BMAL2: variants seen among roughly 807,000 people sequenced by gnomAD.
BMAL2 encodes the protein basic helix-loop-helix ARNT-like protein 2.
the BMAL2 span, chr12:27,333,027 A>G: frequency 1.7e-6 from 2 of 1,186,610 alleles, no homozygotes; most frequent in Non-Finnish European, 2.1e-6. Flanking sequence ...GGGCTCCTCC[A>G]TGCTGCCAGC....
the BMAL2 span, among the ~76,000 whole-genome samples, chr12:27,377,881 G>A: frequency 1.1e-4 from 16 of 152,178 alleles, no homozygotes; most frequent in Non-Finnish European, 1.9e-4. Flanking sequence ...GAGTGTCATT[G>A]CCGAGGGTGA....
chr12:27,370,562 T>C, the BMAL2 span, among the ~76,000 whole-genome samples: 1 of 152,170 alleles, frequency 6.6e-6, no homozygotes, highest in Non-Finnish European at 1.5e-5. Flanking sequence ...CCACCCTTTC[T>C]GTGGCACTGT....
chr12:27,387,361 T>G, the BMAL2 span: 1 of 1,375,840 alleles, frequency 7.3e-7, no homozygotes, highest in Non-Finnish European at 1.0e-6. Flanking sequence ...ATGTTTAATT[T>G]TTTGAACAAA....
chr12:27,345,990 G>C, the BMAL2 span, among the ~76,000 whole-genome samples: 1 of 152,266 alleles, frequency 6.6e-6, no homozygotes, highest in African/African-American at 2.4e-5. Context: ...TCAAATAATA[G>C]ATTAAAAAAT....
chr12:27,396,228 G>A, the BMAL2 span, among the ~76,000 whole-genome samples: 550 of 152,290 alleles, frequency 3.6e-3, 2 homozygotes, highest in African/African-American at 0.012. Context: ...AGGATCACCC[G>A]TGGCTCATGC....
the BMAL2 span, among the ~76,000 whole-genome samples, chr12:27,337,237 A>G: frequency 6.6e-6 from 1 of 152,250 alleles, no homozygotes; most frequent in African/African-American, 2.4e-5. Context: ...ATTAAAGGAT[A>G]TTTAGAATTG....
chr12:27,376,380 G>A, the BMAL2 span: 1 of 1,613,826 alleles, frequency 6.2e-7, no homozygotes, highest in Non-Finnish European at 8.5e-7. Flanking sequence ...TAAAATGAAG[G>A]CCTTCAGGTA....
At chr12:27,384,478 T>C in the BMAL2 span, among the ~76,000 whole-genome samples, 2 of 152,210 alleles carry the variant, frequency 1.3e-5, no homozygotes, top group African/African-American at 4.8e-5. Context: ...AACATTTGTT[T>C]AGAATTCCAG....
the BMAL2 span, among the ~76,000 whole-genome samples, chr12:27,414,024 C>T: frequency 2.6e-5 from 4 of 151,598 alleles, no homozygotes; most frequent in African/African-American, 9.7e-5. Context: ...GCATGGGCAA[C>T]AGCAAGACCC....
At chr12:27,390,354 G>A in the BMAL2 span, 1 of 1,205,160 alleles carries the variant, frequency 8.3e-7, no homozygotes, top group Non-Finnish European at 1.1e-6. Flanking sequence ...GAATTCAAAA[G>A]CATCTTAAAA....
the BMAL2 span, among the ~76,000 whole-genome samples, chr12:27,333,628 C>A: frequency 6.6e-6 from 1 of 152,246 alleles, no homozygotes; most frequent in Non-Finnish European, 1.5e-5. Context: ...GAACCGCTGC[C>A]CCGCGGTGGA....
the BMAL2 span, chr12:27,368,410 C>A: frequency 6.2e-7 from 1 of 1,613,970 alleles, no homozygotes; most frequent in Non-Finnish European, 8.5e-7. Flanking sequence ...CAGACCCATC[C>A]CAGTAAGTGA....
At chr12:27,387,457 A>G in the BMAL2 span, 1 of 631,330 alleles carries the variant, frequency 1.6e-6, no homozygotes, top group East Asian at 2.7e-5. Context: ...TCCAAGAGAG[A>G]TGGAAAGCTG....
chr12:27,375,445 CAA>C, the BMAL2 span, among the ~76,000 whole-genome samples: 2 of 152,042 alleles, frequency 1.3e-5, no homozygotes, highest in East Asian at 1.9e-4. Flanking sequence ...ATGAATAAGA[CAA>C]GACATGAAAA....
At chr12:27,400,272 A>T in the BMAL2 span, among the ~76,000 whole-genome samples, 1 of 152,180 alleles carries the variant, frequency 6.6e-6, no homozygotes. Context: ...GACCTAGTTA[A>T]TCCTAAAATA....
chr12:27,401,509 T>C, the BMAL2 span: 1 of 1,569,264 alleles, frequency 6.4e-7, no homozygotes, highest in Non-Finnish European at 8.7e-7. Context: ...CTGATAATTA[T>C]CTTTTCTCGT....
chr12:27,392,880 G>A, the BMAL2 span, among the ~76,000 whole-genome samples: 1 of 152,040 alleles, frequency 6.6e-6, no homozygotes, highest in Non-Finnish European at 1.5e-5. Flanking sequence ...TTGGTGTCTG[G>A]CTGGTGCCCA....
At chr12:27,378,004 C>A in the BMAL2 span, among the ~76,000 whole-genome samples, 1 of 152,118 alleles carries the variant, frequency 6.6e-6, no homozygotes, top group Non-Finnish European at 1.5e-5. Flanking sequence ...AATTTAAAGT[C>A]TTTATAAAAA....
chr12:27,399,347 C>T, the BMAL2 span, among the ~76,000 whole-genome samples: 1 of 152,180 alleles, frequency 6.6e-6, no homozygotes, highest in African/African-American at 2.4e-5. Flanking sequence ...TGACAGAGCA[C>T]TCACTATCAG....
Sources: allele counts gnomAD v4.1 joint callset (sites outside exome capture counted in the v4.1 genomes callset), GRCh38; gene constraint gnomAD v4.1.1; transcripts MANE v1.5; gene names NCBI Gene and HGNC (gene_info 2026-07-23, HGNC 2026-07-21).